PTPRH: variants seen among roughly 807,000 people sequenced by gnomAD.
PTPRH encodes protein tyrosine phosphatase receptor type H.
In PTPRH, 113 loss-of-function variants were observed where a neutral mutation model predicts 130.2. That is an observed-to-expected ratio of 0.87 (90% CI 0.75 to 1.01). The LOEUF is 1.01. Ranked by LOEUF, PTPRH falls within the 50% of genes least tolerant of loss-of-function variation. The probability of loss-of-function intolerance (pLI) is 0.00; values close to 1 mark genes in which losing one functional copy is unlikely to be tolerated. For synonymous variants in PTPRH, 556 were observed against 577.9 expected, an observed-to-expected ratio of 0.96 and a Z score of 0.54; for missense variants, 1,430 against 1,425.0, an observed-to-expected ratio of 1.00 and a Z score of -0.06.
intron 10 of PTPRH, among the ~76,000 whole-genome samples, chr19:55,192,644 C>T (rs550533781): frequency 4.6e-5 from 7 of 150,760 alleles, no homozygotes; most frequent in Admixed American, 1.3e-4. Flanking sequence ...CTCTGCCTCC[C>T]GGGTTCACGC....
chr19:55,193,650 C>T lies in PTPRH; in HGVS notation c.2258-1909G>A, dbSNP rs546446157. Among the ~76,000 whole-genome samples the T allele has an allele frequency of 5.9e-5, 9 of 152,204 alleles. No individual in the cohort carries two copies. The South Asian group carries it at 6.2e-4, about 11-fold the overall frequency. ...CCTACAATGCGCAGGACGGCCCCCC[C>T]ACAACAAAGAAGGATCTAGCCGGAA... On this transcript the variant is annotated intron_variant, in intron 10 of 19. Coordinates refer to ENST00000376350, the MANE Select transcript of PTPRH (RefSeq NM_002842.5).
At chr19:55,189,747 G>A (rs758657568) in intron 12 of PTPRH, 20 of 455,802 alleles carry the variant, frequency 4.4e-5, no homozygotes, top group South Asian at 9.3e-5. Context: ...TTGGGAGGCC[G>A]AGGTGGAAGG....
chr19:55,195,281 C>T (rs1053819680), intron 10 of PTPRH, among the ~76,000 whole-genome samples: 21 of 152,036 alleles, frequency 1.4e-4, no homozygotes, highest in African/African-American at 5.1e-4. Flanking sequence ...GCCGAGATTG[C>T]ACCACTGCAC....
At chr19:55,199,075 C>T (rs998755394) in intron 7 of PTPRH, among the ~76,000 whole-genome samples, 163 bp from the exon 8 acceptor site, 9 of 151,968 alleles carry the variant, frequency 5.9e-5, no homozygotes, top group African/African-American at 1.7e-4. Context: ...GAAGCTAAAC[C>T]GGGAGGGTTG....
At position 55,198,710 on chromosome 19, in the gene PTPRH, GT is replaced by G; in HGVS notation, c.1622del (p.Tyr541SerfsTer112). 1 of 1,614,076 alleles carries G rather than the reference GT, an allele frequency of 6.2e-7. No individual in the cohort carries two copies. Among genetic ancestry groups the G allele is most frequent in the Non-Finnish European group, 8.5e-7 (1 of 1,179,984 alleles). On this transcript the variant is annotated frameshift_variant, in exon 8 of 20. Transcript: ENST00000376350. LOFTEE classifies it high-confidence loss of function. Reference sequence around the variant, plus strand: ...TCCTCTCGGCCCAGACGGTGAGGTGGTACAGGCTGCCAGCTTCCAGTTCCTT... The same window carrying G: ...TCCTCTCGGCCCAGACGGTGAGGTGGACAGGCTGCCAGCTTCCAGTTCCTT... ...TLKELEAGSLYHLTVWAERNE... is the reference protein window; with the variant it reads ...TLKELEAGSLXHLTVWAERNE...
chr19:55,191,985 A>G, intron 10 of PTPRH: 1 of 647,446 alleles, frequency 1.5e-6, no homozygotes. Context: ...CGCCTACTCA[A>G]CGCGAAGACT....
Position 55,207,171 on chromosome 19 carries a change from G to T in PTPRH, c.80C>A (p.Ala27Glu), listed in dbSNP as rs371476876. The change falls in exon 2 of 20, where the codon GCG becomes GAG. Residue 27 changes from alanine (A) to glutamate (E), a missense_variant. Ala to Glu is a moderately radical substitution (Grantham distance 107). Coordinates refer to ENST00000376350, the MANE Select transcript of PTPRH (RefSeq NM_002842.5). Reference sequence around the variant, plus strand: ...TTCAGGCAGGGGTCACTCACCAGGCGCCCTGGCCCCTGTCCAGCTGCACAG... The same window carrying T: ...TTCAGGCAGGGGTCACTCACCAGGCTCCCTGGCCCCTGTCCAGCTGCACAG... ...LGLCSWTGAR[A>E]PAPNPGRNLT... 9 of 1,613,310 alleles carry T rather than the reference G, an allele frequency of 5.6e-6. No individual in the cohort carries two copies. Among genetic ancestry groups the T allele is most frequent in the Non-Finnish European group, 7.6e-6 (9 of 1,179,780 alleles).
chr19:55,192,294 C>T (rs1018818417), intron 10 of PTPRH, among the ~76,000 whole-genome samples: 2 of 151,482 alleles, frequency 1.3e-5, no homozygotes, highest in Admixed American at 6.6e-5. Context: ...CCCAGCTACT[C>T]GGGAGGCTGA....
At chr19:55,206,406 C>A (rs1470586278) in intron 3 of PTPRH, among the ~76,000 whole-genome samples, 1 of 151,528 alleles carries the variant, frequency 6.6e-6, no homozygotes, top group Non-Finnish European at 1.5e-5. Context: ...TCACTGCAAC[C>A]TCTGCCTCCC....
intron 3 of PTPRH, 91 bp downstream of exon 3, chr19:55,206,598 T>G (rs1308985805): frequency 7.5e-7 from 1 of 1,326,882 alleles, no homozygotes; most frequent in Non-Finnish European, 1.0e-6. Context: ...TCTATCCAAC[T>G]AAAGAACCTG....
At chr19:55,187,293 C>G (rs373330426) in intron 14 of PTPRH, among the ~76,000 whole-genome samples, 1,524 of 114,808 alleles carry the variant, frequency 0.013, 32 homozygotes, top group African/African-American at 0.049. Flanking sequence ...TGCAGTGAGC[C>G]GAGATCGCGC....
chr19:55,196,437 G>T, intron 10 of PTPRH, 85 bp downstream of exon 10: 1 of 1,418,194 alleles, frequency 7.1e-7, no homozygotes, highest in East Asian at 2.3e-5. Flanking sequence ...AAACAAAAGA[G>T]TCCCACTGAT....
At chr19:55,183,734 A>T (rs2086242623) in intron 18 of PTPRH, among the ~76,000 whole-genome samples, 1 of 152,008 alleles carries the variant, frequency 6.6e-6, no homozygotes, top group Non-Finnish European at 1.5e-5. Flanking sequence ...CACAAAAAAA[A>T]ATAGCTATTT....
intron 10 of PTPRH, among the ~76,000 whole-genome samples, chr19:55,196,317 G>A (rs1242099148): frequency 1.3e-5 from 2 of 152,158 alleles, no homozygotes; most frequent in East Asian, 3.9e-4. Context: ...GAACCCGGGA[G>A]GCAGAGGTTG....
At chr19:55,187,412 G>A (rs1343652029) in intron 14 of PTPRH, 101 bp downstream of exon 14, 1 of 695,704 alleles carries the variant, frequency 1.4e-6, no homozygotes, top group Non-Finnish European at 2.3e-6. Context: ...CCCACGGTAG[G>A]GGGCAGGACT....
chr19:55,205,999 G>C (rs767290065), intron 3 of PTPRH, among the ~76,000 whole-genome samples: 4 of 152,100 alleles, frequency 2.6e-5, no homozygotes, highest in African/African-American at 4.8e-5. Context: ...TTGGGAGGCC[G>C]AGGCAGGCGG....
chr19:55,198,617 T>C (rs2086759055), intron 8 of PTPRH, 26 bp downstream of exon 8: 1 of 1,546,974 alleles, frequency 6.5e-7, no homozygotes, highest in Admixed American at 1.9e-5. Flanking sequence ...CTAATAGGGC[T>C]GGGTTCAGAA....
At chr19:55,189,114 T>C (rs932325025) in intron 12 of PTPRH, among the ~76,000 whole-genome samples, 1 of 152,172 alleles carries the variant, frequency 6.6e-6, no homozygotes, top group Non-Finnish European at 1.5e-5. Flanking sequence ...GCCTCCTGCG[T>C]AGCTGGGATT....
Position 55,203,565 on chromosome 19 carries a change from G to A in PTPRH, c.886+217C>T, listed in dbSNP as rs936092721. On this transcript the variant is annotated intron_variant, in intron 5 of 19. Coordinates refer to ENST00000376350, the MANE Select transcript of PTPRH (RefSeq NM_002842.5). ...CGAGTAGGTGGGACCACGGGAACAC[G>A]CCACCACAGCTACTTTTTTATTTTT... Among the ~76,000 whole-genome samples, 16 of 151,064 alleles carry A rather than the reference G, an allele frequency of 1.1e-4. No homozygotes were observed. The highest frequency in any genetic ancestry group is 3.4e-4 in the African/African-American group (14 of 41,176).
Sources: allele counts gnomAD v4.1 joint callset (sites outside exome capture counted in the v4.1 genomes callset), GRCh38; gene constraint gnomAD v4.1.1; transcripts MANE v1.5; gene names NCBI Gene and HGNC (gene_info 2026-07-23, HGNC 2026-07-21).